PCDHA7: variants seen among roughly 807,000 people sequenced by gnomAD.
PCDHA7 encodes protocadherin alpha-7.
A neutral mutation model predicts 57.2 loss-of-function variants in PCDHA7; 37 were observed. The ratio of observed to expected loss-of-function variants is 0.65; its 90% CI spans 0.50 to 0.85. PCDHA7 has a LOEUF of 0.85. Ranked by LOEUF, PCDHA7 falls within the 40% of genes least tolerant of loss-of-function variation. PCDHA7 has a pLI of 0.00. For missense variants in PCDHA7, 1,188 were observed against 1,241.8 expected (o/e 0.96, Z 0.65); for synonymous variants, 553 against 558.8 (o/e 0.99, Z 0.15).
chr5:140,844,747 T>C (rs1779528592), intron 1 of PCDHA7, among the ~76,000 whole-genome samples: 1 of 149,678 alleles, frequency 6.7e-6, no homozygotes, highest in Admixed American at 6.7e-5. Context: ...TATTATGGGA[T>C]AAATCTTTGA....
In PCDHA7 at chr5:140,982,553, T is replaced by A. The variant is rs782605920; in HGVS notation, c.2493T>A (p.Ser831Arg). The A allele has an allele frequency of 1.9e-5, 30 of 1,614,054 alleles. No homozygotes were observed. In the South Asian group the frequency reaches 3.2e-4, roughly 17 times the overall value. ...GPDQQWPTVS[S>R]ATPEPEAGEV... ...ATCAGCAGTGGCCAACAGTATCCAG[T>A]GCAACACCAGGTAAAGAGCTGGGGT... The change falls in exon 3 of 4, where the codon AGT (serine) becomes AGA (arginine). Residue 831 changes from serine (S) to arginine (R), a missense_variant. Transcript: ENST00000525929.
At position 140,916,547 on chromosome 5, in the gene PCDHA7, T is replaced by A. The variant is rs541671578; in HGVS notation, c.2356-62402T>A. On this transcript the variant is annotated intron_variant, in intron 1 of 3. Transcript: ENST00000525929. ...TCCTTCCCACCAAGGCAATGGGTTT[T>A]CTATTTGTCCAGGGTGTGTCTAGAA... Among the ~76,000 whole-genome samples the A allele has an allele frequency of 2.0e-4, 31 of 152,324 alleles. 1 individual carries two copies. Among genetic ancestry groups the A allele is most frequent in the Non-Finnish European group, 3.4e-4 (23 of 68,020 alleles).
At chr5:140,977,227 A>G (rs149467858) in intron 1 of PCDHA7, among the ~76,000 whole-genome samples, 4 of 152,288 alleles carry the variant, frequency 2.6e-5, no homozygotes, top group African/African-American at 7.2e-5. Context: ...ATGTTACCCA[A>G]TCATAGAAAA....
chr5:141,009,701 C>G lies in PCDHA7; in HGVS notation c.2578C>G (p.Pro860Ala). The G allele has an allele frequency of 6.2e-7, 1 of 1,614,036 alleles. No homozygotes were observed. Among genetic ancestry groups the G allele is most frequent in the South Asian group, 1.1e-5 (1 of 91,056 alleles). The change falls in exon 4 of 4, where the codon CCA (proline) becomes GCA (alanine). Residue 860 changes from proline to alanine, a missense_variant. Coordinates refer to ENST00000525929, the MANE Select transcript of PCDHA7 (RefSeq NM_018910.3). ...NSNSWTFKYG[P>A]GNPKQSGPGE... ...CAACAGCTGGACCTTTAAATACGGA[C>G]CAGGCAACCCCAAACAATCCGGTCC...
chr5:140,942,280 C>T (rs1157451404), intron 1 of PCDHA7, among the ~76,000 whole-genome samples: 6 of 152,030 alleles, frequency 3.9e-5, no homozygotes, highest in African/African-American at 1.5e-4. Context: ...AATGGTGGCT[C>T]ATGCCTGTAA....
chr5:140,876,398 A>C (rs782094508), intron 1 of PCDHA7: 1 of 1,613,962 alleles, frequency 6.2e-7, no homozygotes, highest in South Asian at 1.1e-5. Flanking sequence ...GGTGAACTGG[A>C]TTTTGAAGAG....
At chr5:140,961,872 G>A (rs2095639337) in intron 1 of PCDHA7, among the ~76,000 whole-genome samples, 1 of 151,532 alleles carries the variant, frequency 6.6e-6, no homozygotes, top group Non-Finnish European at 1.5e-5. Flanking sequence ...ACAGATAATT[G>A]ACTTACTTAC....
chr5:140,868,540 A>T (rs1244659306), intron 1 of PCDHA7: 2 of 152,656 alleles, frequency 1.3e-5, no homozygotes, highest in Admixed American at 6.5e-5. Flanking sequence ...AAACAATTCA[A>T]ATTTGATAGT....
In PCDHA7 at chr5:140,858,035, ACTGTG is replaced by A. The variant is rs564025916; in HGVS notation, c.2355+21300_2355+21304del. On this transcript the variant is annotated intron_variant, in intron 1 of 3. Transcript: ENST00000525929. Reference sequence around the variant, plus strand: ...CGAGCCGTCGCTGACGGCCACGGCCACTGTGCTTGTGTCGCTTGTGGAGGGCAGCC... The same window carrying A: ...CGAGCCGTCGCTGACGGCCACGGCCACTTGTGTCGCTTGTGGAGGGCAGCC... The A allele has an allele frequency of 2.7e-4, 428 of 1,597,220 alleles. 17 individuals are homozygous for A. The African/African-American group carries it at 5.1e-3, about 19-fold the overall frequency.
chr5:141,003,574 A>C (rs559561339), intron 3 of PCDHA7, among the ~76,000 whole-genome samples: 9 of 151,680 alleles, frequency 5.9e-5, no homozygotes, highest in African/African-American at 2.2e-4. Context: ...CAGACTCCCA[A>C]AGTGCTGGGA....
chr5:140,926,405 T>C (rs1554203436), intron 1 of PCDHA7: 1 of 152,454 alleles, frequency 6.6e-6, no homozygotes, highest in Non-Finnish European at 1.5e-5. Context: ...TTATCAGCAA[T>C]CTGCGGGCAG....
At chr5:140,862,667 AG>A in intron 1 of PCDHA7, 1 of 548,534 alleles carries the variant, frequency 1.8e-6, no homozygotes, top group Admixed American at 1.9e-5. Context: ...CGGGACGCGC[AG>A]GAGAACGTGC....
Position 140,834,950 on chromosome 5 carries a change from A to C in PCDHA7, c.567A>C (p.Val189=). The stretch of plus-strand genomic sequence containing the variant: ...ACGTGCCAACCAGCAACCAGCAGGT[A>C]AAACCTCTTGGACTTGTATTACGGA... ...FLDVPTSNQQ[V]KPLGLVLRKL... The change falls in exon 1 of 4, where the codon GTA becomes GTC. Residue 189 remains valine (V), a synonymous_variant. Coordinates refer to ENST00000525929, the MANE Select transcript of PCDHA7 (RefSeq NM_018910.3). 1.3e-6 allele frequency: 2 copies of C among 1,550,084 alleles called. No homozygotes were observed. Among genetic ancestry groups the C allele is most frequent in the Non-Finnish European group, 1.8e-6 (2 of 1,140,472 alleles).
At chr5:140,905,446 A>G (rs1421760693) in intron 1 of PCDHA7, among the ~76,000 whole-genome samples, 2 of 152,180 alleles carry the variant, frequency 1.3e-5, no homozygotes, top group East Asian at 3.9e-4. Flanking sequence ...GCCTTTTAGT[A>G]TAATTTAAAG....
chr5:140,968,077 C>A lies in PCDHA7; in HGVS notation c.2356-10872C>A, dbSNP rs1274008262. 2.5e-6 allele frequency: 4 copies of A among 1,614,020 alleles called. No homozygotes were observed. In the African/African-American group the frequency reaches 4.0e-5, roughly 16 times the overall value. On this transcript the variant is annotated intron_variant, in intron 1 of 3. Coordinates refer to ENST00000525929, the MANE Select transcript of PCDHA7 (RefSeq NM_018910.3). ...GAGAGCGGGTGGCTGTCTACAACAT[C>A]ACGGTGACAGCCACAGATGGGGGAA...
intron 1 of PCDHA7, among the ~76,000 whole-genome samples, chr5:140,938,890 C>T (rs979482011): frequency 5.9e-5 from 9 of 152,080 alleles, no homozygotes; most frequent in Non-Finnish European, 8.8e-5. Flanking sequence ...CACACACACA[C>T]AGATGCGCAC....
intron 2 of PCDHA7, 26 bp downstream of exon 2, chr5:140,979,033 C>G: frequency 6.2e-7 from 1 of 1,613,044 alleles, no homozygotes; most frequent in Admixed American, 1.7e-5. Flanking sequence ...CTCATTCACT[C>G]AGAAGTAACC....
chr5:140,865,916 T>C (rs1446855400), intron 1 of PCDHA7: 1 of 152,190 alleles, frequency 6.6e-6, no homozygotes, highest in Non-Finnish European at 1.5e-5. Context: ...TTTCTTTCTG[T>C]TGTGCTTAGA....
chr5:140,908,763 G>A (rs1159029668), intron 1 of PCDHA7, among the ~76,000 whole-genome samples: 5 of 152,284 alleles, frequency 3.3e-5, no homozygotes, highest in East Asian at 3.9e-4. Context: ...CAGCCTGGAC[G>A]TGTTGTAGAG....
Sources: allele counts gnomAD v4.1 joint callset (sites outside exome capture counted in the v4.1 genomes callset), GRCh38; gene constraint gnomAD v4.1.1; transcripts MANE v1.5; gene names NCBI Gene and HGNC (gene_info 2026-07-23, HGNC 2026-07-21).